The following ATF7IP2 variants were observed in gnomAD, a reference collection of about 807,000 sequenced individuals.
ATF7IP2 encodes activating transcription factor 7-interacting protein 2.
A neutral mutation model predicts 64.2 loss-of-function variants in ATF7IP2; 42 were observed. That is an observed-to-expected ratio of 0.65 (90% CI 0.51 to 0.85). ATF7IP2 has a LOEUF of 0.85. ATF7IP2 is among the 40% of genes least tolerant of loss of function. The probability of loss-of-function intolerance (pLI) is 0.00; values close to 1 mark genes in which losing one functional copy is unlikely to be tolerated. For synonymous variants in ATF7IP2, 308 were observed against 272.8 expected (o/e 1.13, Z -1.27); for missense variants, 933 against 784.2 (o/e 1.19, Z -2.27).
At chr16:10,398,547 C>T (rs924511677) in intron 1 of ATF7IP2, among the ~76,000 whole-genome samples, 1 of 151,994 alleles carries the variant, frequency 6.6e-6, no homozygotes, top group African/African-American at 2.4e-5. Context: ...CAGTAGATAA[C>T]AGAATCAACC....
intron 12 of ATF7IP2, 58 bp from the exon 13 acceptor site, chr16:10,480,821 G>T: frequency 1.8e-6 from 2 of 1,128,518 alleles, no homozygotes; most frequent in Non-Finnish European, 1.4e-6. Context: ...TAGCTTAAAG[G>T]CTATGGAATT....
At chr16:10,405,994 C>T (rs900619623) in intron 1 of ATF7IP2, among the ~76,000 whole-genome samples, 1 of 151,976 alleles carries the variant, frequency 6.6e-6, no homozygotes, top group African/African-American at 2.4e-5. Flanking sequence ...GAGGCTGAAG[C>T]AGGAGAATTG....
At chr16:10,417,631 G>A (rs2047906315) in intron 2 of ATF7IP2, among the ~76,000 whole-genome samples, 1 of 151,978 alleles carries the variant, frequency 6.6e-6, no homozygotes, top group African/African-American at 2.4e-5. Context: ...ATAATGGTAG[G>A]GAACAACACC....
chr16:10,477,797 C>T (rs2050067174), intron 12 of ATF7IP2, among the ~76,000 whole-genome samples: 3 of 152,218 alleles, frequency 2.0e-5, no homozygotes, highest in Admixed American at 2.0e-4. Context: ...TAGGCAACTT[C>T]AGCAAAGTCT....
At chr16:10,437,865 G>A (rs966756033) in intron 6 of ATF7IP2, among the ~76,000 whole-genome samples, 2 of 152,134 alleles carry the variant, frequency 1.3e-5, no homozygotes, top group Non-Finnish European at 2.9e-5. Flanking sequence ...TTAGCATTAT[G>A]AGAATAAATT....
chr16:10,454,169 G>C (rs1259673659), intron 8 of ATF7IP2: 1 of 151,816 alleles, frequency 6.6e-6, no homozygotes, highest in Non-Finnish European at 1.5e-5. Flanking sequence ...CCAGCACTTT[G>C]GGAGGCTGAG....
rs983603207 is a variant in ATF7IP2 at position 10,430,099 on chromosome 16, C to G, written c.-10-512C>G. Reference sequence around the variant, plus strand: ...GAACCCCTTACTGCAAATAATCCTTCCAACTCGGCCTCCCAAACTGCTGGG... The same window carrying G: ...GAACCCCTTACTGCAAATAATCCTTGCAACTCGGCCTCCCAAACTGCTGGG... On this transcript the variant is annotated intron_variant, in intron 4 of 13. Coordinates refer to ENST00000562102, the MANE Select transcript of ATF7IP2 (RefSeq NM_001393719.1). 2.0e-5 allele frequency among the ~76,000 whole-genome samples: 3 copies of G among 152,166 alleles called. No individual in the cohort carries two copies. In the East Asian group the frequency reaches 5.8e-4, roughly 29 times the overall value.
intron 3 of ATF7IP2, among the ~76,000 whole-genome samples, chr16:10,427,132 G>A (rs1439647044): frequency 6.6e-6 from 1 of 152,144 alleles, no homozygotes; most frequent in Admixed American, 6.5e-5. Flanking sequence ...GGGATTACAG[G>A]CTTGAGCCAC....
intron 8 of ATF7IP2, among the ~76,000 whole-genome samples, chr16:10,453,395 C>T (rs975262488): frequency 1.1e-4 from 16 of 152,228 alleles, no homozygotes; most frequent in African/African-American, 3.4e-4. Flanking sequence ...TGCTTTAGCT[C>T]GCTGTCTGTG....
chr16:10,470,255 T>C (rs1185828872), intron 9 of ATF7IP2, among the ~76,000 whole-genome samples: 1 of 151,968 alleles, frequency 6.6e-6, no homozygotes, highest in Non-Finnish European at 1.5e-5. Flanking sequence ...CAAGAAACAA[T>C]TGGAATTTGA....
chr16:10,411,424 C>G (rs1489839964), intron 1 of ATF7IP2, among the ~76,000 whole-genome samples: 1 of 147,970 alleles, frequency 6.8e-6, no homozygotes, highest in Non-Finnish European at 1.5e-5. Context: ...GAGACAGAGT[C>G]TGGCTGTGTC....
chr16:10,452,895 C>T (rs1222103692), intron 8 of ATF7IP2, among the ~76,000 whole-genome samples: 1 of 152,090 alleles, frequency 6.6e-6, no homozygotes, highest in Non-Finnish European at 1.5e-5. Flanking sequence ...AGGGGGAAAC[C>T]GCCTACTCAA....
Position 10,431,290 on chromosome 16 carries a change from T to G in ATF7IP2, c.670T>G (p.Ser224Ala). The G allele has an allele frequency of 1.2e-6, 2 of 1,614,226 alleles. No individual in the cohort carries two copies. Among genetic ancestry groups the G allele is most frequent in the South Asian group, 1.1e-5 (1 of 91,082 alleles). ...QSDNILCSEDSGFVPVEKTPN... is the reference protein window; with the variant it reads ...QSDNILCSEDAGFVPVEKTPN... ...TGACAACATTTTATGTTCAGAAGAC[T>G]CAGGTTTTGTGCCTGTTGAGAAAAC... The change falls in exon 5 of 14, where the codon TCA (serine) becomes GCA (alanine). Residue 224 changes from serine (S) to alanine (A), a missense_variant. Physicochemically the swap from Ser to Ala is moderately conservative, Grantham distance 99. Transcript: ENST00000562102.
At chr16:10,441,008 T>C (rs1294907135) in intron 8 of ATF7IP2, among the ~76,000 whole-genome samples, 6 of 152,224 alleles carry the variant, frequency 3.9e-5, no homozygotes, top group African/African-American at 1.2e-4. Context: ...AGTGTTTGGT[T>C]TTCTGTTCTC....
rs779211793 is a variant in ATF7IP2 at position 10,457,474 on chromosome 16, A to C, written c.1297A>C (p.Lys433Gln). 5 of 1,597,466 alleles carry C rather than the reference A, an allele frequency of 3.1e-6. No individual in the cohort carries two copies. The South Asian group carries it at 5.8e-5, about 19-fold the overall frequency. ...VNYEPSNPSEKGSKKINLSSD... is the reference protein window; with the variant it reads ...VNYEPSNPSEQGSKKINLSSD... Reference sequence around the variant, plus strand: ...TTATGAGCCTTCTAACCCTTCCGAAAAAGGAAGTAAAAAAATTAATTTGTC... The same window carrying C: ...TTATGAGCCTTCTAACCCTTCCGAACAAGGAAGTAAAAAAATTAATTTGTC... Residue 433 changes from lysine to glutamine, a missense_variant, in exon 9 of 14, where the codon AAA becomes CAA. Lys to Gln is a moderately conservative substitution (Grantham distance 53). Coordinates refer to ENST00000562102, the MANE Select transcript of ATF7IP2 (RefSeq NM_001393719.1).
chr16:10,441,713 T>TA (rs1567467748), intron 8 of ATF7IP2, among the ~76,000 whole-genome samples: 1 of 152,252 alleles, frequency 6.6e-6, no homozygotes, highest in East Asian at 1.9e-4. Flanking sequence ...ACTCTGATGA[T>TA]AGTTTCCTTT....
At chr16:10,406,543 G>GT (rs2047644697) in intron 1 of ATF7IP2, among the ~76,000 whole-genome samples, 1 of 152,094 alleles carries the variant, frequency 6.6e-6, no homozygotes, top group Admixed American at 6.5e-5. Context: ...TGAAAAGTTA[G>GT]TTTTTTTAAA....
At chr16:10,399,399 A>G (rs901669430) in intron 1 of ATF7IP2, among the ~76,000 whole-genome samples, 3 of 152,190 alleles carry the variant, frequency 2.0e-5, no homozygotes, top group African/African-American at 7.2e-5. Flanking sequence ...TCATTCTTAT[A>G]CATATGTTAA....
intron 1 of ATF7IP2, among the ~76,000 whole-genome samples, chr16:10,403,119 T>C (rs2047567875): frequency 6.6e-6 from 1 of 152,230 alleles, no homozygotes; most frequent in Non-Finnish European, 1.5e-5. Context: ...TCCATGTTAA[T>C]GGATGTCAGA....
Sources: allele counts gnomAD v4.1 joint callset (sites outside exome capture counted in the v4.1 genomes callset), GRCh38; gene constraint gnomAD v4.1.1; transcripts MANE v1.5; gene names NCBI Gene and HGNC (gene_info 2026-07-23, HGNC 2026-07-21).